The following PPARG variants were observed in gnomAD, a reference collection of about 807,000 sequenced individuals.
The protein encoded by PPARG is peroxisome proliferator-activated receptor gamma.
Under a neutral mutation model 39.2 loss-of-function variants are expected in PPARG, and 17 were observed. The observed-to-expected ratio is 0.43, with a 90% confidence interval of 0.30 to 0.65. PPARG has a LOEUF of 0.65. Among genes scored for constraint, PPARG ranks in the 30% least tolerant of loss-of-function variants. PPARG has a pLI of 0.13. For missense variants in PPARG, 406 were observed against 585.9 expected, an observed-to-expected ratio of 0.69 and a Z score of 3.17; for synonymous variants, 223 against 215.7, an observed-to-expected ratio of 1.03 and a Z score of -0.30.
intron 2 of PPARG, among the ~76,000 whole-genome samples, chr3:12,314,045 G>A (rs561046906): frequency 8.5e-4 from 129 of 152,264 alleles, no homozygotes; most frequent in Middle Eastern, 3.4e-3. Context: ...GGGATGCTGA[G>A]GTGGGCGGAT....
At chr3:12,288,175 G>A (rs961883815), upstream of PPARG, among the ~76,000 whole-genome samples, 1 of 151,906 alleles carries the variant, frequency 6.6e-6, no homozygotes, top group Non-Finnish European at 1.5e-5. Flanking sequence ...GAGCTGGGGA[G>A]AAGGGGGTCT....
chr3:12,389,184 A>G (rs911269690), intron 4 of PPARG, among the ~76,000 whole-genome samples: 5 of 152,178 alleles, frequency 3.3e-5, no homozygotes, highest in East Asian at 1.9e-4. Flanking sequence ...GTGTAATTAT[A>G]TATTTTCATG....
chr3:12,298,250 G>C (rs1237750997), intron 1 of PPARG, among the ~76,000 whole-genome samples: 1 of 115,356 alleles, frequency 8.7e-6, no homozygotes, highest in East Asian at 2.7e-4. Flanking sequence ...AGTGAGCCGA[G>C]ATCCCGCCAC....
chr3:12,363,286 T>G (rs2048912500), intron 2 of PPARG, among the ~76,000 whole-genome samples: 1 of 152,190 alleles, frequency 6.6e-6, no homozygotes, highest in African/African-American at 2.4e-5. Context: ...ATGTATACTT[T>G]AATATCATAT....
chr3:12,434,290 T>A lies in PPARG; in HGVS notation c.*145T>A. 9.7e-7 allele frequency: 1 copy of A among 1,033,190 alleles called. No homozygotes were observed. Among genetic ancestry groups the A allele is most frequent in the Non-Finnish European group, 1.4e-6 (1 of 699,850 alleles). The allele number at this position is 1,033,190 out of a possible 1,614,324, so 64.0% of individuals were successfully genotyped here. On this transcript the variant is annotated 3_prime_UTR_variant, in exon 8 of 8. Transcript: ENST00000651735. This position sits in a 1 kb window ranked among gnomAD's most constrained non-coding sequence, Gnocchi z 4.2. ...TATGATCTATTTTATGCATATTGTT[T>A]ATAAAGACACATTTACAATTTACTT...
At chr3:12,361,555 C>T (rs2048847953) in intron 2 of PPARG, among the ~76,000 whole-genome samples, 1 of 152,192 alleles carries the variant, frequency 6.6e-6, no homozygotes, top group Non-Finnish European at 1.5e-5. Flanking sequence ...TTATCTCTTT[C>T]ATGGGGATAT....
chr3:12,408,818 A>T (rs2050774075), intron 6 of PPARG, among the ~76,000 whole-genome samples: 1 of 140,044 alleles, frequency 7.1e-6, no homozygotes, highest in African/African-American at 2.9e-5. Flanking sequence ...TAATAGTACC[A>T]GAAAGTCAGG....
At chr3:12,328,258 T>C (rs2047751640) in intron 2 of PPARG, 11 of 1,516,998 alleles carry the variant, frequency 7.3e-6, no homozygotes, top group Non-Finnish European at 9.9e-6. Context: ...GAGATGCTGA[T>C]GGCACGAAGG....
chr3:12,407,416 C>T (rs1380702119), intron 6 of PPARG, among the ~76,000 whole-genome samples: 1 of 152,180 alleles, frequency 6.6e-6, no homozygotes, highest in Admixed American at 6.5e-5. Flanking sequence ...CCGCCTCTGC[C>T]TCCCAAAGTG....
intron 7 of PPARG, among the ~76,000 whole-genome samples, chr3:12,417,883 T>C (rs1301018366): frequency 1.1e-4 from 15 of 133,456 alleles, no homozygotes; most frequent in African/African-American, 1.7e-4. Context: ...TTTTCTTTTT[T>C]TTTTCTTTTT....
intron 1 of PPARG, 87 bp downstream of exon 1, chr3:12,289,221 CA>C (rs2046587576): frequency 6.6e-6 from 1 of 151,768 alleles, no homozygotes; most frequent in East Asian, 2.0e-4. Flanking sequence ...ATCCTTATAT[CA>C]TTTTTTTTTG....
intron 7 of PPARG, among the ~76,000 whole-genome samples, chr3:12,422,554 C>T (rs892788679): frequency 2.6e-5 from 4 of 152,044 alleles, no homozygotes; most frequent in African/African-American, 9.7e-5. Context: ...CAAAAACTGC[C>T]TATTTCCATA....
At chr3:12,392,832 A>C in intron 5 of PPARG, 80 bp downstream of exon 5, 1 of 1,544,074 alleles carries the variant, frequency 6.5e-7, no homozygotes, top group South Asian at 1.1e-5. Flanking sequence ...CCATTGCCAA[A>C]AATGTGTACA....
chr3:12,327,277 G>C (rs2047721587), intron 2 of PPARG, among the ~76,000 whole-genome samples: 1 of 152,132 alleles, frequency 6.6e-6, no homozygotes, highest in Non-Finnish European at 1.5e-5. Flanking sequence ...CAATCTTCTG[G>C]ACGTAGAGTT....
intron 5 of PPARG, among the ~76,000 whole-genome samples, chr3:12,403,822 GT>G (rs2050563111): frequency 6.6e-6 from 1 of 152,104 alleles, no homozygotes; most frequent in African/African-American, 2.4e-5. Context: ...GCTATCTGGG[GT>G]TTTCTTTCCA....
intron 5 of PPARG, among the ~76,000 whole-genome samples, chr3:12,394,796 G>A (rs2050200012): frequency 6.6e-6 from 1 of 152,168 alleles, no homozygotes. Context: ...AGTTTTCTAG[G>A]AAGTTGAGTC....
At chr3:12,409,176 T>C (rs2050785299) in intron 6 of PPARG, among the ~76,000 whole-genome samples, 1 of 152,248 alleles carries the variant, frequency 6.6e-6, no homozygotes, top group South Asian at 2.1e-4. Context: ...CTATGCCCTT[T>C]GAAATTCTGG....
intron 4 of PPARG, among the ~76,000 whole-genome samples, chr3:12,389,527 A>G (rs1040119773): frequency 2.6e-5 from 4 of 152,226 alleles, no homozygotes; most frequent in African/African-American, 9.6e-5. Flanking sequence ...CTCAACAGCA[A>G]AATGGAAGCA....
chr3:12,366,098 A>G (rs2125130954), intron 2 of PPARG, among the ~76,000 whole-genome samples: 1 of 152,054 alleles, frequency 6.6e-6, no homozygotes, highest in East Asian at 1.9e-4. Context: ...TAGTTTTCCT[A>G]TATAGGTTTC....
Sources: allele counts gnomAD v4.1 joint callset (sites outside exome capture counted in the v4.1 genomes callset), GRCh38; gene constraint gnomAD v4.1.1; non-coding constraint Gnocchi (gnomAD v3.1); transcripts MANE v1.5; gene names NCBI Gene and HGNC (gene_info 2026-07-23, HGNC 2026-07-21).